Variants in LRRC4C observed in about 807,000 individuals in gnomAD.
The protein encoded by LRRC4C is leucine rich repeat containing 4C.
A neutral mutation model predicts 33.6 loss-of-function variants in LRRC4C; 5 were observed. That is an observed-to-expected ratio of 0.15 (90% confidence interval 0.08 to 0.31). The LOEUF (loss-of-function observed/expected upper bound fraction) is 0.31, where lower values mean the gene tolerates loss of function less well. Ranked by LOEUF, LRRC4C falls within the 10% of genes least tolerant of loss-of-function variation. LRRC4C has a pLI of 1.00. For missense variants in LRRC4C, 560 were observed against 796.7 expected (o/e 0.70, Z 3.58); for synonymous variants, 329 against 302.0 (o/e 1.09, Z -0.93).
intron 5 of LRRC4C, among the ~76,000 whole-genome samples, chr11:40,225,218 C>G (rs1301860497): frequency 6.6e-6 from 1 of 152,096 alleles, no homozygotes; most frequent in Non-Finnish European, 1.5e-5. Context: ...TTGGCCTGAA[C>G]TCCATTAAAA....
At chr11:40,698,968 A>C (rs1453067150) in intron 2 of LRRC4C, among the ~76,000 whole-genome samples, 1 of 152,132 alleles carries the variant, frequency 6.6e-6, no homozygotes, top group East Asian at 1.9e-4. Flanking sequence ...ACAATTCAAG[A>C]TGAGACTTGG....
At chr11:41,129,433 A>G (rs1300803741) in intron 1 of LRRC4C, among the ~76,000 whole-genome samples, 3 of 152,054 alleles carry the variant, frequency 2.0e-5, no homozygotes, top group East Asian at 3.9e-4. Flanking sequence ...TCTCTACATT[A>G]TTTTAGAAAA....
intron 2 of LRRC4C, among the ~76,000 whole-genome samples, chr11:40,863,740 T>TTGC (rs1954215363): frequency 6.6e-6 from 1 of 152,208 alleles, no homozygotes; most frequent in Non-Finnish European, 1.5e-5. Context: ...ATCCTTCTTG[T>TTGC]TGCTATTCAT....
At chr11:40,958,543 A>G (rs559983834) in intron 1 of LRRC4C, among the ~76,000 whole-genome samples, 1 of 151,886 alleles carries the variant, frequency 6.6e-6, no homozygotes, top group South Asian at 2.1e-4. Context: ...CATGATAATC[A>G]ACATTTGACT....
intron 1 of LRRC4C, among the ~76,000 whole-genome samples, chr11:41,395,566 T>G (rs1280264780): frequency 1.3e-5 from 2 of 151,998 alleles, no homozygotes; most frequent in African/African-American, 4.8e-5. Context: ...CAATACCAGT[T>G]CACTTTCTTC....
rs1443244342 is a variant in LRRC4C at position 40,405,908 on chromosome 11, G to C, written c.-269-86187C>G. 2.0e-5 allele frequency among the ~76,000 whole-genome samples: 3 copies of C among 151,764 alleles called. No individual in the cohort carries two copies. In the East Asian group the frequency reaches 5.9e-4, roughly 30 times the overall value. ...AAGGAACCTGGTTTCTAGATGATAT[G>C]GTAGGCAAGAGCTCTCTATCCACAG... On this transcript the variant is annotated intron_variant, in intron 3 of 6. Coordinates refer to ENST00000528697, the MANE Select transcript of LRRC4C (RefSeq NM_001258419.2).
chr11:40,326,979 T>C (rs1209990788), intron 3 of LRRC4C, among the ~76,000 whole-genome samples: 2 of 152,168 alleles, frequency 1.3e-5, no homozygotes, highest in Non-Finnish European at 2.9e-5. Context: ...TGTAGACTGG[T>C]TTTGAAATAT....
At chr11:40,122,937 G>GTA (rs1337402322) in intron 6 of LRRC4C, among the ~76,000 whole-genome samples, 3 of 133,218 alleles carry the variant, frequency 2.3e-5, no homozygotes, top group African/African-American at 5.6e-5. Flanking sequence ...AAGTGTATGT[G>GTA]TATATATATA....
chr11:40,574,877 A>G (rs772522661), intron 3 of LRRC4C, among the ~76,000 whole-genome samples: 9 of 152,170 alleles, frequency 5.9e-5, no homozygotes, highest in Non-Finnish European at 8.8e-5. Flanking sequence ...ATATGAGCAC[A>G]TAGTAGTGAG....
chr11:41,287,944 T>A (rs1036751176), intron 1 of LRRC4C, among the ~76,000 whole-genome samples: 5 of 152,204 alleles, frequency 3.3e-5, no homozygotes, highest in Non-Finnish European at 4.4e-5. Context: ...TGATTTATAC[T>A]TGTTATGCAA....
intron 2 of LRRC4C, among the ~76,000 whole-genome samples, chr11:40,845,328 C>T (rs1215151426): frequency 6.6e-6 from 1 of 152,000 alleles, no homozygotes; most frequent in African/African-American, 2.4e-5. Context: ...TCGACAGGCC[C>T]CAGTGTGTGA....
At chr11:40,895,615 TG>T (rs1320999354) in intron 2 of LRRC4C, among the ~76,000 whole-genome samples, 15 of 152,296 alleles carry the variant, frequency 9.8e-5, no homozygotes, top group Admixed American at 2.0e-4. Context: ...CACAAAGCTT[TG>T]CATTATTCTT....
At chr11:40,861,734 G>A (rs150857554) in intron 2 of LRRC4C, among the ~76,000 whole-genome samples, 1 of 152,314 alleles carries the variant, frequency 6.6e-6, no homozygotes, top group African/African-American at 2.4e-5. Context: ...TCATGGTTCT[G>A]CAGACTATAC....
At chr11:40,313,334 C>A (rs1177064775) in intron 4 of LRRC4C, among the ~76,000 whole-genome samples, 5 of 151,970 alleles carry the variant, frequency 3.3e-5, no homozygotes, top group African/African-American at 1.2e-4. Flanking sequence ...ATGACAAATT[C>A]ACAGGGCCAG....
At chr11:40,822,779 T>C (rs1398441333) in intron 2 of LRRC4C, among the ~76,000 whole-genome samples, 1 of 151,812 alleles carries the variant, frequency 6.6e-6, no homozygotes, top group Non-Finnish European at 1.5e-5. Flanking sequence ...CCTAATGTTG[T>C]CTTTTAGTTA....
chr11:40,371,462 T>G (rs561893736), intron 3 of LRRC4C, among the ~76,000 whole-genome samples: 3 of 152,344 alleles, frequency 2.0e-5, no homozygotes, highest in African/African-American at 4.8e-5. Flanking sequence ...AATGATTAAT[T>G]ACTTTACTAC....
At chr11:40,817,423 G>C (rs1951751746) in intron 2 of LRRC4C, among the ~76,000 whole-genome samples, 1 of 152,160 alleles carries the variant, frequency 6.6e-6, no homozygotes, top group African/African-American at 2.4e-5. Context: ...GGGATCTGAA[G>C]GACCCTGATA....
chr11:41,057,265 A>G (rs560906518), intron 1 of LRRC4C, among the ~76,000 whole-genome samples: 7 of 152,272 alleles, frequency 4.6e-5, no homozygotes, highest in South Asian at 2.1e-4. Flanking sequence ...CTGGGTGTTC[A>G]CACACTCGAG....
At chr11:40,316,134 G>T (rs187450060) in intron 4 of LRRC4C, among the ~76,000 whole-genome samples, 39 of 152,140 alleles carry the variant, frequency 2.6e-4, no homozygotes, top group Admixed American at 1.9e-3. Context: ...TCCCACAGAT[G>T]TGATAATAGC....
Sources: allele counts gnomAD v4.1 joint callset (sites outside exome capture counted in the v4.1 genomes callset), GRCh38; gene constraint gnomAD v4.1.1; transcripts MANE v1.5; gene names NCBI Gene and HGNC (gene_info 2026-07-23, HGNC 2026-07-21).